The following STON2 variants were observed in gnomAD, a reference collection of about 807,000 sequenced individuals.
STON2 encodes stonin-2.
Under a neutral mutation model 65.7 loss-of-function variants are expected in STON2, and 29 were observed. That is an observed-to-expected ratio of 0.44 (90% CI 0.33 to 0.60). The LOEUF (loss-of-function observed/expected upper bound fraction) is 0.60, where lower values mean the gene tolerates loss of function less well. Among genes scored for constraint, STON2 ranks in the 20% least tolerant of loss-of-function variants. STON2 has a pLI of 0.03. For missense variants in STON2, 1,054 were observed against 1,118.1 expected, an observed-to-expected ratio of 0.94 and a Z score of 0.82; for synonymous variants, 404 against 414.2, an observed-to-expected ratio of 0.98 and a Z score of 0.30.
chr14:81,268,507 A>ACTTC lies in STON2; in HGVS notation c.2785-11_2785-10insGAAG. On this transcript the variant is annotated splice_polypyrimidine_tract_variant and intron_variant, in intron 7 of 7. Coordinates refer to ENST00000614646, the MANE Select transcript of STON2 (RefSeq NM_001394390.1). ...TTTGCTCAATTTCCACCTGCCAAGA[A>ACTTC]TAGAAGTTGGAGATAAAGATCAAAA... is the stretch of plus-strand genomic sequence containing the variant. The ACTTC allele has an allele frequency of 7.8e-7, 1 of 1,289,582 alleles. No individual in the cohort carries two copies. The highest frequency in any genetic ancestry group is 1.0e-6 in the Non-Finnish European group (1 of 988,700). The allele number at this position is 1,289,582 out of a possible 1,614,324, so 79.9% of individuals were successfully genotyped here.
At chr14:81,400,036 A>ACTATCTATATGT (rs1900526850) in intron 1 of STON2, among the ~76,000 whole-genome samples, 1 of 152,218 alleles carries the variant, frequency 6.6e-6, no homozygotes, top group Non-Finnish European at 1.5e-5. Flanking sequence ...AGTACAACAG[A>ACTATCTATATGT]ATACAGTACA....
chr14:81,397,060 AAAC>A (rs1252660566), intron 2 of STON2, among the ~76,000 whole-genome samples: 4 of 152,180 alleles, frequency 2.6e-5, no homozygotes, highest in South Asian at 2.1e-4. Context: ...CTCCGTCTCA[AAAC>A]AACAACAACA....
At chr14:81,324,310 A>G (rs2140249192) in intron 4 of STON2, among the ~76,000 whole-genome samples, 123 bp from the exon 5 acceptor site, 1 of 152,376 alleles carries the variant, frequency 6.6e-6, no homozygotes, top group African/African-American at 2.4e-5. Context: ...TCAGAGGCTG[A>G]GCCTGAGATC....
chr14:81,330,375 A>G (rs2140265683), intron 4 of STON2, among the ~76,000 whole-genome samples: 1 of 151,928 alleles, frequency 6.6e-6, no homozygotes, highest in South Asian at 2.1e-4. Flanking sequence ...CACTGTAGAG[A>G]CTGAGTTACG....
chr14:81,404,311 T>C (rs1037097052), upstream of STON2, among the ~76,000 whole-genome samples: 13 of 152,206 alleles, frequency 8.5e-5, no homozygotes, highest in African/African-American at 3.1e-4. Context: ...GTGTAAAATA[T>C]ACACCAGACT....
At chr14:81,373,328 A>G (rs947220185) in intron 3 of STON2, among the ~76,000 whole-genome samples, 1 of 152,240 alleles carries the variant, frequency 6.6e-6, no homozygotes, top group Non-Finnish European at 1.5e-5. Flanking sequence ...AAACATAGAA[A>G]AAAATTAAAA....
At chr14:81,290,503 C>T (rs1895513784) in intron 5 of STON2, among the ~76,000 whole-genome samples, 1 of 152,120 alleles carries the variant, frequency 6.6e-6, no homozygotes, top group South Asian at 2.1e-4. Context: ...TGTATCACAT[C>T]GATCTTCTGT....
intron 2 of STON2, among the ~76,000 whole-genome samples, chr14:81,411,118 G>A (rs1901135636): frequency 6.6e-6 from 1 of 152,174 alleles, no homozygotes; most frequent in African/African-American, 2.4e-5. Context: ...TAGTGGAGAA[G>A]GTTAAGGAAA....
intron 5 of STON2, among the ~76,000 whole-genome samples, chr14:81,299,387 A>G (rs1176294928): frequency 6.6e-6 from 1 of 152,212 alleles, no homozygotes; most frequent in Non-Finnish European, 1.5e-5. Context: ...CATATACAAA[A>G]AGAAAACCCT....
At chr14:81,313,319 G>A (rs1896497548) in intron 5 of STON2, among the ~76,000 whole-genome samples, 1 of 152,146 alleles carries the variant, frequency 6.6e-6, no homozygotes, top group Admixed American at 6.5e-5. Context: ...GATCCTTGAG[G>A]ACAGAGACTG....
chr14:81,365,297 C>G (rs1898670429), intron 4 of STON2, among the ~76,000 whole-genome samples: 1 of 152,134 alleles, frequency 6.6e-6, no homozygotes, highest in South Asian at 2.1e-4. Context: ...CTAGAGTTGA[C>G]AGGGGTTTGG....
chr14:81,282,491 G>A (rs1895163032), intron 5 of STON2, among the ~76,000 whole-genome samples: 1 of 152,036 alleles, frequency 6.6e-6, no homozygotes, highest in Non-Finnish European at 1.5e-5. Flanking sequence ...GTAGATGTAG[G>A]CTGTTCTTAG....
At chr14:81,314,054 G>T (rs1896534659) in intron 5 of STON2, among the ~76,000 whole-genome samples, 1 of 152,192 alleles carries the variant, frequency 6.6e-6, no homozygotes, top group African/African-American at 2.4e-5. Flanking sequence ...CTTGCAAATT[G>T]TAAGACTTCA....
intron 2 of STON2, among the ~76,000 whole-genome samples, chr14:81,415,391 C>T (rs7144547): frequency 0.77 from 117,672 of 151,956 alleles, 46,266 homozygotes; most frequent in African/African-American, 0.92. Flanking sequence ...ATCTTTCTGA[C>T]GTCTGAGACT....
intron 3 of STON2, among the ~76,000 whole-genome samples, chr14:81,390,508 G>A (rs1024899008): frequency 6.6e-6 from 1 of 152,204 alleles, no homozygotes; most frequent in African/African-American, 2.4e-5. Context: ...CCTGCATCGT[G>A]AGCTGGGATC....
intron 2 of STON2, among the ~76,000 whole-genome samples, chr14:81,409,143 G>A (rs1431835336): frequency 1.3e-5 from 2 of 152,088 alleles, no homozygotes; most frequent in African/African-American, 2.4e-5. Context: ...AGTGGCTCAC[G>A]CCTGTAATCC....
chr14:81,407,131 C>T (rs988383339), intron 2 of STON2, among the ~76,000 whole-genome samples: 5 of 152,134 alleles, frequency 3.3e-5, no homozygotes, highest in African/African-American at 7.2e-5. Context: ...AAACAGTTGC[C>T]TCATAGATGT....
chr14:81,312,150 T>C (rs1896449385), intron 5 of STON2, among the ~76,000 whole-genome samples: 1 of 152,224 alleles, frequency 6.6e-6, no homozygotes, highest in Non-Finnish European at 1.5e-5. Flanking sequence ...ATTGTCTTAG[T>C]CATTTTCTTT....
At chr14:81,281,609 G>T (rs188846974) in intron 5 of STON2, among the ~76,000 whole-genome samples, 37 of 152,248 alleles carry the variant, frequency 2.4e-4, no homozygotes, top group Admixed American at 2.2e-3. Context: ...TGCCACCAAA[G>T]GATTCCCTTC....
Sources: allele counts gnomAD v4.1 joint callset (sites outside exome capture counted in the v4.1 genomes callset), GRCh38; gene constraint gnomAD v4.1.1; transcripts MANE v1.5; gene names NCBI Gene and HGNC (gene_info 2026-07-23, HGNC 2026-07-21).